The following NR6A1 variants were observed in gnomAD, a reference collection of about 807,000 sequenced individuals.
NR6A1 encodes the protein nuclear receptor subfamily 6 group A member 1, also known as retinoic acid receptor-related testis-associated receptor.
Under a neutral mutation model 59.1 loss-of-function variants are expected in NR6A1, and 7 were observed. The ratio of observed to expected loss-of-function variants is 0.12; its 90% CI spans 0.07 to 0.22. The LOEUF is 0.22. Ranked by LOEUF, NR6A1 falls within the 10% of genes least tolerant of loss-of-function variation. The pLI is 1.00. For missense variants in NR6A1, 468 were observed against 611.6 expected (o/e 0.77, Z 2.48); for synonymous variants, 243 against 236.1 (o/e 1.03, Z -0.27).
At chr9:124,703,488 G>GT (rs1488827932) in intron 2 of NR6A1, among the ~76,000 whole-genome samples, 1 of 151,566 alleles carries the variant, frequency 6.6e-6, no homozygotes, top group East Asian at 1.9e-4. Flanking sequence ...TATTACCAGC[G>GT]TGAGCCACTG....
chr9:124,631,642 C>A (rs986950744), intron 2 of NR6A1, among the ~76,000 whole-genome samples: 1 of 152,138 alleles, frequency 6.6e-6, no homozygotes, highest in Non-Finnish European at 1.5e-5. Flanking sequence ...TATTCAATTC[C>A]AGCAGCTACC....
chr9:124,548,276 A>C (rs1588657031), intron 3 of NR6A1, among the ~76,000 whole-genome samples: 1 of 152,358 alleles, frequency 6.6e-6, no homozygotes, highest in East Asian at 1.9e-4. Context: ...TAAGCTTGAA[A>C]TTATTTAAAA....
chr9:124,601,201 C>T (rs948261134), intron 2 of NR6A1, among the ~76,000 whole-genome samples: 102 of 151,516 alleles, frequency 6.7e-4, no homozygotes, highest in Admixed American at 2.5e-3. Context: ...GCTTGAGCCC[C>T]GGAGACGGAG....
rs74715404 is a variant in NR6A1 at position 124,762,797 on chromosome 9, C to T, written c.100+8223G>A. Among the ~76,000 whole-genome samples the T allele has an allele frequency of 0.01, 1,534 of 152,286 alleles. 67 individuals are homozygous for T. The East Asian group carries it at 0.15, about 15-fold the overall frequency. Reference sequence around the variant, plus strand: ...AGATTTTCAAAATGTTGACACATTTCATAACATCGAAAATCATATTTATTT... The same window carrying T: ...AGATTTTCAAAATGTTGACACATTTTATAACATCGAAAATCATATTTATTT... On this transcript the variant is annotated intron_variant, in intron 1 of 9. Coordinates refer to ENST00000487099, the MANE Select transcript of NR6A1 (RefSeq NM_033334.4).
At chr9:124,678,129 A>G (rs1838019520) in intron 2 of NR6A1, among the ~76,000 whole-genome samples, 1 of 152,236 alleles carries the variant, frequency 6.6e-6, no homozygotes, top group East Asian at 1.9e-4. Flanking sequence ...ATTGGCTGTC[A>G]GTAGGTATCT....
chr9:124,632,408 C>G (rs1588725242), intron 2 of NR6A1, among the ~76,000 whole-genome samples: 3 of 152,320 alleles, frequency 2.0e-5, no homozygotes, highest in Middle Eastern at 3.4e-3. Flanking sequence ...TAACATTTCT[C>G]TAAGGATCAG....
intron 2 of NR6A1, among the ~76,000 whole-genome samples, chr9:124,628,080 T>C (rs962105348): frequency 1.3e-5 from 2 of 152,256 alleles, no homozygotes; most frequent in African/African-American, 4.8e-5. Flanking sequence ...CAGGCTGGAA[T>C]GCAGCGGTGC....
chr9:124,615,711 T>C (rs796289765), intron 2 of NR6A1, among the ~76,000 whole-genome samples: 1 of 152,100 alleles, frequency 6.6e-6, no homozygotes, highest in African/African-American at 2.4e-5. Context: ...AAGAGAAGAC[T>C]GATTATAGGT....
chr9:124,534,570 C>G (rs1361063704), intron 7 of NR6A1, among the ~76,000 whole-genome samples: 1 of 152,156 alleles, frequency 6.6e-6, no homozygotes, highest in Admixed American at 6.5e-5. Flanking sequence ...TACTGGACAG[C>G]TGGGATAAAA....
intron 2 of NR6A1, among the ~76,000 whole-genome samples, chr9:124,656,231 C>G (rs1837256183): frequency 6.6e-6 from 1 of 152,180 alleles, no homozygotes; most frequent in Admixed American, 6.5e-5. Flanking sequence ...ATGGAGGCAG[C>G]TTGAGGCCCT....
intron 9 of NR6A1, among the ~76,000 whole-genome samples, 156 bp downstream of exon 9, chr9:124,524,564 TC>T: frequency 6.6e-6 from 1 of 152,296 alleles, no homozygotes; most frequent in South Asian, 2.1e-4. Context: ...TGCAAGCTTC[TC>T]ATTATAACAG....
intron 2 of NR6A1, among the ~76,000 whole-genome samples, chr9:124,699,563 C>A (rs117250128): frequency 6.6e-6 from 1 of 152,178 alleles, no homozygotes; most frequent in African/African-American, 2.4e-5. Flanking sequence ...GAACTTAAAT[C>A]ATTTTGTCAA....
At chr9:124,528,792 A>C (rs980469587) in intron 7 of NR6A1, among the ~76,000 whole-genome samples, 5 of 152,220 alleles carry the variant, frequency 3.3e-5, no homozygotes, top group Non-Finnish European at 7.3e-5. Context: ...CTCCCCCAAC[A>C]AAAAACCAGT....
intron 1 of NR6A1, among the ~76,000 whole-genome samples, chr9:124,767,378 T>C (rs1403342879): frequency 6.6e-6 from 1 of 152,088 alleles, no homozygotes; most frequent in Non-Finnish European, 1.5e-5. Flanking sequence ...GCTGAATGAT[T>C]TGGTGGCTTG....
At chr9:124,619,830 G>A (rs1242809007) in intron 2 of NR6A1, among the ~76,000 whole-genome samples, 5 of 152,150 alleles carry the variant, frequency 3.3e-5, no homozygotes, top group African/African-American at 4.8e-5. Context: ...GGGAGGCCGA[G>A]GCAGGTGGAT....
chr9:124,622,398 A>G (rs1335961359), intron 2 of NR6A1, among the ~76,000 whole-genome samples: 1 of 152,202 alleles, frequency 6.6e-6, no homozygotes, highest in Non-Finnish European at 1.5e-5. Flanking sequence ...CTAGGTTCAG[A>G]CCGGCAAAAC....
At position 124,630,556 on chromosome 9, in the gene NR6A1, T is replaced by A. The variant is rs547584911; in HGVS notation, c.143-75986A>T. 2.7e-5 allele frequency among the ~76,000 whole-genome samples: 4 copies of A among 150,610 alleles called. No homozygotes were observed. In the East Asian group the frequency reaches 8.0e-4, roughly 30 times the overall value. On this transcript the variant is annotated intron_variant, in intron 2 of 9. Transcript: ENST00000487099. ...CAGCCCCAACTCGGCTTAAAACCAG[T>A]GGAGGCTGGCTATCCTAGGGGGAAG...
chr9:124,745,367 G>A (rs995091164), intron 1 of NR6A1, among the ~76,000 whole-genome samples: 1 of 151,958 alleles, frequency 6.6e-6, no homozygotes, highest in Non-Finnish European at 1.5e-5. Flanking sequence ...TTTATAAACA[G>A]AAACATACAT....
At chr9:124,722,334 T>C (rs970678904) in intron 2 of NR6A1, among the ~76,000 whole-genome samples, 5 of 152,238 alleles carry the variant, frequency 3.3e-5, no homozygotes, top group Admixed American at 2.6e-4. Flanking sequence ...TTCCTTCATC[T>C]GTAACATTCA....
Sources: allele counts gnomAD v4.1 joint callset (sites outside exome capture counted in the v4.1 genomes callset), GRCh38; gene constraint gnomAD v4.1.1; transcripts MANE v1.5; gene names NCBI Gene and HGNC (gene_info 2026-07-23, HGNC 2026-07-21).